ADGRB3: variants seen among roughly 807,000 people sequenced by gnomAD.
ADGRB3 encodes brain-specific angiogenesis inhibitor 3.
In ADGRB3, 37 loss-of-function variants were observed where a neutral mutation model predicts 193.4. The ratio of observed to expected loss-of-function variants is 0.19; its 90% CI spans 0.15 to 0.25. The LOEUF is 0.25. ADGRB3 is among the 10% of genes least tolerant of loss of function. The probability of loss-of-function intolerance (pLI) is 1.00; values close to 1 mark genes in which losing one functional copy is unlikely to be tolerated. For missense variants in ADGRB3, 1,637 were observed against 1,852.9 expected (o/e 0.88, Z 2.14); for synonymous variants, 690 against 644.2 (o/e 1.07, Z -1.08).
intron 11 of ADGRB3, among the ~76,000 whole-genome samples, chr6:69,012,147 T>C (rs1481457844): frequency 6.6e-6 from 1 of 152,146 alleles, no homozygotes; most frequent in African/African-American, 2.4e-5. Flanking sequence ...GGCCTTCATG[T>C]ACAGCAAGGA....
chr6:69,314,272 CACTT>C (rs1410185111), intron 20 of ADGRB3, among the ~76,000 whole-genome samples: 1 of 151,598 alleles, frequency 6.6e-6, no homozygotes, highest in Non-Finnish European at 1.5e-5. Context: ...ATATATCTAA[CACTT>C]TCTTTCTTTT....
intron 17 of ADGRB3, among the ~76,000 whole-genome samples, chr6:69,195,912 A>G (rs1765284304): frequency 6.6e-6 from 1 of 152,180 alleles, no homozygotes. Context: ...GAGTTTAGGA[A>G]ACAACTATTG....
At chr6:69,279,371 A>T (rs1356495547) in intron 20 of ADGRB3, among the ~76,000 whole-genome samples, 1 of 151,740 alleles carries the variant, frequency 6.6e-6, no homozygotes, top group Non-Finnish European at 1.5e-5. Flanking sequence ...GTTGCCCAGA[A>T]TGGTGGGAGC....
intron 3 of ADGRB3, among the ~76,000 whole-genome samples, chr6:68,728,943 T>C (rs560578617): frequency 6.6e-6 from 1 of 151,536 alleles, no homozygotes; most frequent in South Asian, 2.1e-4. Flanking sequence ...TTCTTCAATG[T>C]GATTTTTTTT....
chr6:68,929,947 A>G lies in ADGRB3; in HGVS notation c.758-612A>G, dbSNP rs371410067. Among the ~76,000 whole-genome samples, 5 of 151,982 alleles carry G rather than the reference A, an allele frequency of 3.3e-5. No individual in the cohort carries two copies. The East Asian group carries it at 9.7e-4, about 29-fold the overall frequency. On this transcript the variant is annotated intron_variant, in intron 3 of 31. Coordinates refer to ENST00000370598, the MANE Select transcript of ADGRB3 (RefSeq NM_001704.3). ...TTTAAAAGAGAAAATATTCTCTTAC[A>G]TGTGATTAGAAAAGGGGGGAGGAAT...
intron 17 of ADGRB3, among the ~76,000 whole-genome samples, chr6:69,196,183 A>G (rs1006071352): frequency 6.6e-6 from 1 of 152,142 alleles, no homozygotes; most frequent in East Asian, 1.9e-4. Flanking sequence ...ACTGAGGAAT[A>G]CATGGGTACA....
At chr6:68,991,564 C>A (rs1214808317) in intron 10 of ADGRB3, among the ~76,000 whole-genome samples, 1 of 146,886 alleles carries the variant, frequency 6.8e-6, no homozygotes, top group African/African-American at 2.5e-5. Flanking sequence ...CATCCCCTCG[C>A]TCCCACAAAA....
intron 6 of ADGRB3, among the ~76,000 whole-genome samples, chr6:68,953,402 T>C (rs1582343870): frequency 1.3e-5 from 2 of 152,276 alleles, no homozygotes; most frequent in East Asian, 3.9e-4. Flanking sequence ...TTTTGCCAAA[T>C]AGATTGTAAG....
At chr6:69,279,125 C>G (rs1767371425) in intron 20 of ADGRB3, among the ~76,000 whole-genome samples, 1 of 119,858 alleles carries the variant, frequency 8.3e-6, no homozygotes, top group African/African-American at 3.1e-5. Flanking sequence ...ATATATGCTC[C>G]TCAACTTATG....
intron 20 of ADGRB3, among the ~76,000 whole-genome samples, chr6:69,300,323 A>G (rs1767922452): frequency 6.6e-6 from 1 of 151,804 alleles, no homozygotes; most frequent in Admixed American, 6.6e-5. Flanking sequence ...AGTCCAACAC[A>G]ATAAAGGCCA....
intron 3 of ADGRB3, among the ~76,000 whole-genome samples, chr6:68,661,569 AT>A (rs1768660668): frequency 8.6e-6 from 1 of 116,950 alleles, no homozygotes; most frequent in Non-Finnish European, 1.8e-5. Context: ...ATATATATAT[AT>A]AGTTATGACC....
chr6:68,767,411 G>A (rs183120721), intron 3 of ADGRB3, among the ~76,000 whole-genome samples: 43 of 152,102 alleles, frequency 2.8e-4, no homozygotes, highest in Admixed American at 9.8e-4. Flanking sequence ...AACATAATCC[G>A]TAACATAAAC....
At chr6:69,178,359 C>T (rs1775487928) in intron 17 of ADGRB3, among the ~76,000 whole-genome samples, 1 of 152,218 alleles carries the variant, frequency 6.6e-6, no homozygotes. Flanking sequence ...CTCTTGAAGA[C>T]AGTAGACAAA....
chr6:69,319,312 A>C (rs1768391311), intron 20 of ADGRB3, among the ~76,000 whole-genome samples: 1 of 151,242 alleles, frequency 6.6e-6, no homozygotes, highest in Non-Finnish European at 1.5e-5. Context: ...ATTTTATTAA[A>C]TTGTGGTCTG....
At chr6:68,731,321 A>C (rs1261051427) in intron 3 of ADGRB3, among the ~76,000 whole-genome samples, 1 of 151,620 alleles carries the variant, frequency 6.6e-6, no homozygotes, top group Non-Finnish European at 1.5e-5. Context: ...GTATTGATTT[A>C]AATTATTTAT....
intron 29 of ADGRB3, among the ~76,000 whole-genome samples, chr6:69,370,297 T>C (rs1230207720): frequency 6.6e-6 from 1 of 152,188 alleles, no homozygotes; most frequent in Non-Finnish European, 1.5e-5. Flanking sequence ...GTCAGTATTG[T>C]GGAAACCTGA....
chr6:68,773,076 A>G (rs985439238), intron 3 of ADGRB3, among the ~76,000 whole-genome samples: 1 of 151,596 alleles, frequency 6.6e-6, no homozygotes, highest in Non-Finnish European at 1.5e-5. Context: ...TGATTGCTCC[A>G]TTGCACTCCA....
chr6:68,881,854 T>C (rs1426091136), intron 3 of ADGRB3, among the ~76,000 whole-genome samples: 3 of 152,214 alleles, frequency 2.0e-5, no homozygotes, highest in Non-Finnish European at 2.9e-5. Context: ...ATCTGTTCCA[T>C]ACAAGAGTCG....
chr6:68,836,687 T>G (rs1050592713), intron 3 of ADGRB3, among the ~76,000 whole-genome samples: 1 of 152,128 alleles, frequency 6.6e-6, no homozygotes, highest in African/African-American at 2.4e-5. Flanking sequence ...GCCATATATC[T>G]TACTTAGAAG....
Sources: allele counts gnomAD v4.1 joint callset (sites outside exome capture counted in the v4.1 genomes callset), GRCh38; gene constraint gnomAD v4.1.1; transcripts MANE v1.5; gene names NCBI Gene and HGNC (gene_info 2026-07-23, HGNC 2026-07-21).